STAG3: variants seen among roughly 807,000 people sequenced by gnomAD.
The protein encoded by STAG3 is cohesin subunit SA-3.
In STAG3, 101 loss-of-function variants were observed where a neutral mutation model predicts 160.7. That is an observed-to-expected ratio of 0.63 (90% confidence interval 0.54 to 0.74). The LOEUF is 0.74. STAG3 is among the 30% of genes least tolerant of loss of function. The pLI is 0.00. For synonymous variants in STAG3, 519 were observed against 585.0 expected (o/e 0.89, Z 1.63); for missense variants, 1,188 against 1,517.4 (o/e 0.78, Z 3.61).
chr7:100,197,978 C>T, intron 11 of STAG3, 102 bp downstream of exon 11: 2 of 1,494,716 alleles, frequency 1.3e-6, no homozygotes, highest in South Asian at 2.3e-5. Flanking sequence ...TTGGCTATCC[C>T]AGCATCTGCC....
intron 2 of STAG3, among the ~76,000 whole-genome samples, chr7:100,181,125 G>C (rs1293230910): frequency 6.6e-6 from 1 of 152,148 alleles, no homozygotes; most frequent in Non-Finnish European, 1.5e-5. Context: ...CTGGTAAATT[G>C]TATATACTTT....
chr7:100,217,963 C>T (rs1169133912), downstream of STAG3, among the ~76,000 whole-genome samples: 1 of 150,506 alleles, frequency 6.6e-6, no homozygotes, highest in African/African-American at 2.4e-5. Flanking sequence ...TGACTGATGT[C>T]AGGCCTTCCA....
intron 5 of STAG3, 97 bp from the exon 6 acceptor site, chr7:100,188,356 T>C: frequency 2.3e-6 from 2 of 870,922 alleles, no homozygotes; most frequent in Non-Finnish European, 4.0e-6. Flanking sequence ...CTAAGCTCTT[T>C]GCAGAATGTT....
Position 100,198,523 on chromosome 7 carries a change from A to C in STAG3, c.1293A>C (p.Pro431=), listed in dbSNP as rs3735241. The part of the protein sequence containing the change: ...LTDADCESVY[P]VVYASHRGLA... ...ACGCGGATTGTGAGAGCGTCTACCC[A>C]GTTGTGTATGCCTCTCATCGAGGCC... The change falls in exon 13 of 34, where the codon CCA becomes CCC. Residue 431 remains proline (P), a synonymous_variant. Transcript: ENST00000615138. 794,454 of 1,613,828 alleles carry C rather than the reference A, an allele frequency of 0.49. 198,340 individuals carry two copies. Among genetic ancestry groups the C allele is most frequent in the East Asian group, 0.67 (30,060 of 44,872 alleles).
intron 29 of STAG3, among the ~76,000 whole-genome samples, chr7:100,209,050 G>A (rs971862311): frequency 7.2e-5 from 11 of 152,156 alleles, no homozygotes; most frequent in African/African-American, 2.7e-4. Flanking sequence ...CACTTACAAG[G>A]TGTCTCTGGG....
rs747309639 is a variant in STAG3 at position 100,211,483 on chromosome 7, A to G, written c.3462A>G (p.Gln1154=). 1.5e-5 allele frequency: 24 copies of G among 1,613,404 alleles called. No homozygotes were observed. The highest frequency in any genetic ancestry group is 6.7e-5 in the East Asian group (3 of 44,836). ...AGAGGTCAAGGTTCTTGGGTCCACA[A>G]TATTTCCAGACTCCACACAACCCTT... ...GTERSRFLGP[Q]YFQTPHNPSG... Residue 1154 remains glutamine, a synonymous_variant, in exon 31 of 34, where the codon CAA becomes CAG. Transcript: ENST00000615138.
intron 2 of STAG3, 197 bp downstream of exon 2, chr7:100,180,869 TA>T (rs1373577707): frequency 7.2e-6 from 3 of 417,094 alleles, no homozygotes; most frequent in Admixed American, 8.3e-5. Context: ...ATCAAAATAG[TA>T]GTACATCCTG....
chr7:100,189,954 A>G (rs569751232), intron 8 of STAG3, among the ~76,000 whole-genome samples: 76 of 152,210 alleles, frequency 5.0e-4, no homozygotes, highest in Middle Eastern at 3.4e-3. Context: ...CAGGAGTACT[A>G]AAAGCCAACC....
At position 100,210,487 on chromosome 7, in the gene STAG3, A is replaced by G. The variant is rs543198669; in HGVS notation, c.3239-524A>G. Among the ~76,000 whole-genome samples, 12 of 151,824 alleles carry G rather than the reference A, an allele frequency of 7.9e-5. No homozygotes were observed. The East Asian group carries it at 2.1e-3, about 27-fold the overall frequency. Reference sequence around the variant, plus strand: ...GTTATACTGGCATTGCAATCACTTCATTTTTTTCTAGCTTTTAGAAAATCC... The same window carrying G: ...GTTATACTGGCATTGCAATCACTTCGTTTTTTTCTAGCTTTTAGAAAATCC... On this transcript the variant is annotated intron_variant, in intron 29 of 33. Coordinates refer to ENST00000615138, the MANE Select transcript of STAG3 (RefSeq NM_001282717.2).
downstream of STAG3, among the ~76,000 whole-genome samples, chr7:100,216,801 T>C (rs537147566): frequency 1.3e-5 from 2 of 152,232 alleles, no homozygotes; most frequent in African/African-American, 2.4e-5. Flanking sequence ...TTTATTCTGA[T>C]ACTTTTAATG....
At chr7:100,197,409 A>C (rs1800760506) in intron 10 of STAG3, 130 bp downstream of exon 10, 2 of 1,312,272 alleles carry the variant, frequency 1.5e-6, no homozygotes, top group Non-Finnish European at 2.2e-6. Flanking sequence ...CAAGGCGCTG[A>C]ACCTTGAAAT....
chr7:100,178,927 C>T (rs1358448960), intron 1 of STAG3, among the ~76,000 whole-genome samples: 8 of 151,836 alleles, frequency 5.3e-5, no homozygotes, highest in Non-Finnish European at 1.2e-4. Context: ...CTCCTGGGCT[C>T]AGGCGATCGT....
At chr7:100,204,492 A>G in intron 26 of STAG3, 135 bp from the exon 27 acceptor site, 2 of 1,099,488 alleles carry the variant, frequency 1.8e-6, no homozygotes, top group Non-Finnish European at 2.5e-6. Context: ...AGTTCCCTAG[A>G]AGGAAGGAAA....
intron 25 of STAG3, 138 bp from the exon 26 acceptor site, chr7:100,203,883 T>G: frequency 3.4e-6 from 2 of 592,380 alleles, no homozygotes; most frequent in Non-Finnish European, 6.1e-6. Flanking sequence ...TGAAGTCTAG[T>G]CTGAATTATT....
chr7:100,198,771 C>T (rs1326920732), intron 13 of STAG3, 72 bp from the exon 14 acceptor site: 6 of 1,403,110 alleles, frequency 4.3e-6, no homozygotes, highest in Admixed American at 3.4e-5. Context: ...TGGGCCATCT[C>T]CTCCCTCTGT....
chr7:100,199,757 T>A (rs1800952492), intron 16 of STAG3, 113 bp downstream of exon 16: 2 of 846,622 alleles, frequency 2.4e-6, no homozygotes, highest in Admixed American at 3.1e-5. Context: ...TTAAAGAATT[T>A]CATTTCCAGA....
rs1562965113 is a variant in STAG3 at position 100,182,734 on chromosome 7, T to A, written c.231T>A (p.His77Gln). 6.2e-7 allele frequency: 1 copy of A among 1,613,700 alleles called. No individual in the cohort carries two copies. The highest frequency in any genetic ancestry group is 1.3e-5 in the African/African-American group (1 of 74,814). ...TTTATACATATTAGGTGGCAAAACA[T>A]CCAAAGAAAGGGTCCCGAGTGGTAC... The part of the protein sequence containing the change: ...RPPKTTPVAK[H>Q]PKKGSRVVHR... The change falls in exon 4 of 34, where the codon CAT becomes CAA. Residue 77 changes from histidine to glutamine, a missense_variant. His to Gln is a conservative substitution (Grantham distance 24). Coordinates refer to ENST00000615138, the MANE Select transcript of STAG3 (RefSeq NM_001282717.2).
Position 100,200,892 on chromosome 7 carries a change from C to A in STAG3, c.1984C>A (p.Arg662=). 6.2e-7 allele frequency: 1 copy of A among 1,614,206 alleles called. No individual in the cohort carries two copies. ...TAATCCCGAATTCACTTTCTTCAGC[C>A]GGGCGGACTTTGCCCGCAGCCAGCT... is the stretch of plus-strand genomic sequence containing the variant. The part of the protein sequence containing the change: ...LCNPEFTFFS[R]ADFARSQLVD... The change falls in exon 19 of 34, where the codon CGG becomes AGG. Residue 662 remains arginine, a synonymous_variant. Coordinates refer to ENST00000615138, the MANE Select transcript of STAG3 (RefSeq NM_001282717.2).
chr7:100,191,188 C>A (rs1800325182), intron 8 of STAG3, among the ~76,000 whole-genome samples: 1 of 152,012 alleles, frequency 6.6e-6, no homozygotes, highest in Admixed American at 6.6e-5. Context: ...TAGATAGATA[C>A]CAGTAGTACC....
Sources: allele counts gnomAD v4.1 joint callset (sites outside exome capture counted in the v4.1 genomes callset), GRCh38; gene constraint gnomAD v4.1.1; transcripts MANE v1.5; gene names NCBI Gene and HGNC (gene_info 2026-07-23, HGNC 2026-07-21).